The following LEF1 variants were observed in gnomAD, a reference collection of about 807,000 sequenced individuals.
The protein encoded by LEF1 is lymphoid enhancer-binding factor 1.
In LEF1, 14 loss-of-function variants were observed where a neutral mutation model predicts 51.2. The ratio of observed to expected loss-of-function variants is 0.27; its 90% confidence interval spans 0.18 to 0.43. The LOEUF (loss-of-function observed/expected upper bound fraction) is 0.43, where lower values mean the gene tolerates loss of function less well. Ranked by LOEUF, LEF1 falls within the 20% of genes least tolerant of loss-of-function variation. The probability of loss-of-function intolerance (pLI) is 1.00; values close to 1 mark genes in which losing one functional copy is unlikely to be tolerated. For missense variants in LEF1, 386 were observed against 512.0 expected (o/e 0.75, Z 2.37); for synonymous variants, 185 against 183.2 (o/e 1.01, Z -0.08).
Position 108,081,567 on chromosome 4 carries a change from A to G in LEF1, c.722+19T>C, listed in dbSNP as rs1359997829. The G allele has an allele frequency of 1.1e-5, 17 of 1,606,998 alleles. No individual in the cohort carries two copies. In the Admixed American group the frequency reaches 2.8e-4, roughly 27 times the overall value. ...AGAGCAACTTGTCCTCGAGCGCCCC[A>G]GTTTCCACCTCCACCTACCTGGACA... On this transcript the variant is annotated intron_variant, in intron 6 of 11. Coordinates refer to ENST00000265165, the MANE Select transcript of LEF1 (RefSeq NM_016269.5).
chr4:108,123,209 T>C (rs1279519118), intron 3 of LEF1, among the ~76,000 whole-genome samples: 3 of 152,198 alleles, frequency 2.0e-5, no homozygotes, highest in Non-Finnish European at 2.9e-5. Context: ...ATTCTCAGCT[T>C]GGGGTCCTTC....
At chr4:108,056,116 T>C (rs780476833) in intron 11 of LEF1, among the ~76,000 whole-genome samples, 2 of 152,226 alleles carry the variant, frequency 1.3e-5, no homozygotes, top group African/African-American at 2.4e-5. Context: ...GGGTGGAAGT[T>C]TGACCCAAGT....
intron 4 of LEF1, among the ~76,000 whole-genome samples, chr4:108,087,260 G>A (rs1457816428): frequency 2.6e-5 from 4 of 152,132 alleles, no homozygotes; most frequent in African/African-American, 7.2e-5. Context: ...GGAACACAAG[G>A]CCTGGGATAA....
chr4:108,094,826 T>C lies in LEF1; in HGVS notation c.415-5569A>G, dbSNP rs570427182. Among the ~76,000 whole-genome samples the C allele has an allele frequency of 1.4e-3, 211 of 152,350 alleles. 1 individual carries two copies. Among genetic ancestry groups the C allele is most frequent in the Non-Finnish European group, 2.6e-3 (176 of 68,024 alleles). On this transcript the variant is annotated intron_variant, in intron 3 of 11. Transcript: ENST00000265165. ...GAATTTCATCTGGCCTTGATTGTTA[T>C]GGTGGCATTTTTGCTTTTCATTAAA...
At chr4:108,122,178 C>T (rs1029208042) in intron 3 of LEF1, among the ~76,000 whole-genome samples, 2 of 152,152 alleles carry the variant, frequency 1.3e-5, no homozygotes, top group Non-Finnish European at 2.9e-5. Context: ...TGCTGATTTA[C>T]TAACTACTGA....
At chr4:108,113,059 T>C (rs533153015) in intron 3 of LEF1, among the ~76,000 whole-genome samples, 2 of 152,338 alleles carry the variant, frequency 1.3e-5, no homozygotes, top group South Asian at 2.1e-4. Flanking sequence ...TGTGGAATGC[T>C]ATCCGAGGTG....
At chr4:108,107,667 A>G (rs542997746) in intron 3 of LEF1, among the ~76,000 whole-genome samples, 2 of 152,280 alleles carry the variant, frequency 1.3e-5, no homozygotes, top group East Asian at 3.9e-4. Context: ...GGAAGTAACT[A>G]TCATCTTTTT....
intron 4 of LEF1, among the ~76,000 whole-genome samples, chr4:108,088,654 T>C (rs1739808246): frequency 6.6e-6 from 1 of 152,212 alleles, no homozygotes; most frequent in Non-Finnish European, 1.5e-5. Context: ...ACATCAATGA[T>C]TATGTAGAAT....
chr4:108,074,357 TC>T (rs1212877342), intron 8 of LEF1, among the ~76,000 whole-genome samples: 14 of 152,178 alleles, frequency 9.2e-5, no homozygotes, highest in African/African-American at 3.4e-4. Flanking sequence ...GATAAAACAT[TC>T]TCATGACAAA....
chr4:108,085,933 A>G (rs1578324359), intron 4 of LEF1, among the ~76,000 whole-genome samples: 1 of 152,226 alleles, frequency 6.6e-6, no homozygotes, highest in Non-Finnish European at 1.5e-5. Flanking sequence ...CAATTTATGT[A>G]TCTAACCATG....
At chr4:108,163,421 C>A in intron 3 of LEF1, 147 bp downstream of exon 3, 1 of 780,604 alleles carries the variant, frequency 1.3e-6, no homozygotes, top group South Asian at 2.1e-5. Flanking sequence ...TTTAAGGTGG[C>A]CATTCCTCAT....
Position 108,132,039 on chromosome 4 carries a change from C to T in LEF1, c.414+31529G>A, listed in dbSNP as rs916220969. ...ATGAGGATCTAATTAGGCAATGGGG[C>T]TACAGCTTCAGGAATCCAAAATGTA... On this transcript the variant is annotated intron_variant, in intron 3 of 11. Coordinates refer to ENST00000265165, the MANE Select transcript of LEF1 (RefSeq NM_016269.5). 5.3e-5 allele frequency among the ~76,000 whole-genome samples: 8 copies of T among 152,138 alleles called. 1 individual carries two copies. The highest frequency in any genetic ancestry group is 5.2e-4 in the Admixed American group (8 of 15,278).
At chr4:108,062,020 G>C (rs1316802478) in intron 11 of LEF1, among the ~76,000 whole-genome samples, 1 of 152,204 alleles carries the variant, frequency 6.6e-6, no homozygotes, top group Non-Finnish European at 1.5e-5. Flanking sequence ...GTAGGAGGAA[G>C]GAGTGAGTCT....
At chr4:108,091,445 C>CG (rs5860892) in intron 3 of LEF1, among the ~76,000 whole-genome samples, 26 of 111,456 alleles carry the variant, frequency 2.3e-4, no homozygotes, top group Middle Eastern at 0.013. Context: ...AAGAAACTTA[C>CG]GGGGGGGGGA....
Position 108,167,904 on chromosome 4 carries a change from G to A in LEF1, c.-137C>T. The A allele has an allele frequency of 7.3e-6, 4 of 549,264 alleles. No individual in the cohort carries two copies. The highest frequency in any genetic ancestry group is 1.1e-5 in the Non-Finnish European group (4 of 362,880). 34.0% of individuals were successfully genotyped at this position (549,264 alleles called of 1,614,324 possible). ...CAGCAGGACAGCGGGCGGAAGCGGGGCGGGCGAGCGCGGGGCCGCCGGCCG... is the reference window on the plus strand; with the variant it reads ...CAGCAGGACAGCGGGCGGAAGCGGGACGGGCGAGCGCGGGGCCGCCGGCCG... On this transcript the variant is annotated 5_prime_UTR_variant, in exon 1 of 12. Transcript: ENST00000265165. This position sits in a 1 kb window ranked among gnomAD's most constrained non-coding sequence, Gnocchi z 5.7.
At chr4:108,089,403 C>T (rs1739863484) in intron 3 of LEF1, 146 bp from the exon 4 acceptor site, 1 of 779,674 alleles carries the variant, frequency 1.3e-6, no homozygotes, top group Admixed American at 3.3e-5. Context: ...GGAAATGTCT[C>T]TTTTAGAATT....
At position 108,135,159 on chromosome 4, in the gene LEF1, G is replaced by A. The variant is rs571961745; in HGVS notation, c.414+28409C>T. 1.1e-4 allele frequency among the ~76,000 whole-genome samples: 17 copies of A among 152,294 alleles called. No homozygotes were observed. The South Asian group carries it at 3.5e-3, about 32-fold the overall frequency. ...TGCCTAAAATCTACTTTGAGCCCAG[G>A]TGTCAAGACGCTATTAAGACTCTAA... On this transcript the variant is annotated intron_variant, in intron 3 of 11. Coordinates refer to ENST00000265165, the MANE Select transcript of LEF1 (RefSeq NM_016269.5).
chr4:108,056,731 T>G (rs1430096782), intron 11 of LEF1, among the ~76,000 whole-genome samples: 1 of 152,036 alleles, frequency 6.6e-6, no homozygotes, highest in East Asian at 1.9e-4. Context: ...GACTGGAGCA[T>G]TCCCAGAAAC....
intron 3 of LEF1, among the ~76,000 whole-genome samples, chr4:108,154,466 A>AAAAAG: frequency 6.7e-6 from 1 of 149,336 alleles, no homozygotes; most frequent in East Asian, 2.0e-4. Context: ...AAAAAAAAAA[A>AAAAAG]TCAGTTGCTT....
Sources: gnomAD v4.1 joint callset for allele counts (sites outside exome capture counted in the v4.1 genomes callset) on GRCh38, gnomAD v4.1.1 for gene constraint, Gnocchi (gnomAD v3.1) non-coding constraint, MANE v1.5 for transcripts, NCBI Gene and HGNC (gene_info 2026-07-23, HGNC 2026-07-21) for gene names.